The following SCN2A variants were observed in gnomAD, a reference collection of about 807,000 sequenced individuals.
The protein encoded by SCN2A is sodium voltage-gated channel alpha subunit 2, also known as sodium channel protein type 2 subunit alpha.
SCN2A carries 20 observed loss-of-function variants against 188.7 expected under a neutral mutation model. That is an observed-to-expected ratio of 0.11 (90% confidence interval 0.07 to 0.15). The LOEUF is 0.15. SCN2A is among the 10% of genes least tolerant of loss of function. The pLI, the probability that SCN2A is intolerant of heterozygous loss-of-function variation, is 1.00. For missense variants in SCN2A, 1,278 were observed against 2,445.0 expected (o/e 0.52, Z 10.07); for synonymous variants, 804 against 833.1 (o/e 0.97, Z 0.60).
chr2:165,265,515 A>ATATATATATATT (rs1188795670), intron 1 of SCN2A, among the ~76,000 whole-genome samples: 15 of 115,464 alleles, frequency 1.3e-4, no homozygotes, highest in East Asian at 5.7e-4. Context: ...ATATATATAT[A>ATATATATATATT]TTGCTGTGCA....
chr2:165,300,002 T>C (rs1696718091), intron 3 of SCN2A, among the ~76,000 whole-genome samples: 2 of 152,360 alleles, frequency 1.3e-5, no homozygotes, highest in Admixed American at 6.5e-5. Context: ...TTATTTTGGC[T>C]GAATGAGAAA....
rs372294906 is a variant in SCN2A, at chr2:165,389,537, A to G, written c.5731A>G (p.Ile1911Val). Residue 1911 changes from isoleucine to valine, a missense_variant, in exon 27 of 27, where the codon ATT (isoleucine) becomes GTT (valine). Transcript: ENST00000375437. This position sits in a 1 kb window ranked among gnomAD's most constrained non-coding sequence, Gnocchi z 4.2. ...KRKQEEVSAIIIQRAYRRYLL... is the reference protein window; with the variant it reads ...KRKQEEVSAIVIQRAYRRYLL... ...CAAACAAGAGGAGGTGTCTGCTATT[A>G]TTATCCAGAGGGCTTACAGACGCTA... 4.3e-6 allele frequency: 7 copies of G among 1,613,858 alleles called. No individual in the cohort carries two copies. Among genetic ancestry groups the G allele is most frequent in the Non-Finnish European group, 5.9e-6 (7 of 1,179,980 alleles).
At chr2:165,301,669 A>G (rs1696815996) in intron 3 of SCN2A, among the ~76,000 whole-genome samples, 1 of 152,204 alleles carries the variant, frequency 6.6e-6, no homozygotes, top group African/African-American at 2.4e-5. Context: ...GATATCTATG[A>G]CAGTAATAGC....
intron 23 of SCN2A, among the ~76,000 whole-genome samples, chr2:165,377,924 T>C (rs1473032122): frequency 6.6e-6 from 1 of 151,920 alleles, no homozygotes. Flanking sequence ...AAATGAGACA[T>C]TTTATTTTTG....
chr2:165,364,499 A>G (rs1364335971), intron 17 of SCN2A, among the ~76,000 whole-genome samples: 1 of 152,268 alleles, frequency 6.6e-6, no homozygotes, highest in East Asian at 1.9e-4. Context: ...GTGCCAGAGT[A>G]ACAAGTAGTT....
chr2:165,330,233 A>C (rs772441529), intron 13 of SCN2A, among the ~76,000 whole-genome samples: 24 of 152,190 alleles, frequency 1.6e-4, no homozygotes, highest in Non-Finnish European at 3.1e-4. Flanking sequence ...CCTCTATTTC[A>C]GTGCTAAGAG....
At chr2:165,305,972 A>C (rs1697104216) in intron 3 of SCN2A, among the ~76,000 whole-genome samples, 1 of 152,104 alleles carries the variant, frequency 6.6e-6, no homozygotes, top group African/African-American at 2.4e-5. Context: ...AAGGATAAGA[A>C]AAGAGAGAGA....
intron 22 of SCN2A, among the ~76,000 whole-genome samples, chr2:165,377,309 ATCAGAG>A (rs1558876852): frequency 1.3e-5 from 2 of 152,042 alleles, no homozygotes; most frequent in South Asian, 2.1e-4. Context: ...ATATAAACAC[ATCAGAG>A]TCAAAGATTG....
intron 26 of SCN2A, among the ~76,000 whole-genome samples, 191 bp from the exon 27 acceptor site, chr2:165,388,438 T>C (rs1701983125): frequency 6.6e-6 from 1 of 152,168 alleles, no homozygotes; most frequent in Non-Finnish European, 1.5e-5. Flanking sequence ...CTTCATTTAA[T>C]ATAAAGATGT....
At chr2:165,307,623 G>T (rs1346922855) in intron 3 of SCN2A, among the ~76,000 whole-genome samples, 3 of 151,984 alleles carry the variant, frequency 2.0e-5, no homozygotes, top group Non-Finnish European at 4.4e-5. Flanking sequence ...AATTGCTAAA[G>T]GTACCTAAAT....
At chr2:165,357,474 T>A (rs1700238866) in intron 17 of SCN2A, among the ~76,000 whole-genome samples, 1 of 152,084 alleles carries the variant, frequency 6.6e-6, no homozygotes, top group South Asian at 2.1e-4. Flanking sequence ...GACTCAGAGG[T>A]TTTTTAGGTG....
intron 4 of SCN2A, 88 bp from the exon 5 acceptor site, chr2:165,308,578 T>A (rs1697261072): frequency 1.4e-6 from 2 of 1,452,146 alleles, no homozygotes; most frequent in Non-Finnish European, 1.9e-6. Flanking sequence ...AGTGTCTAAT[T>A]TTTGTTTGCT....
chr2:165,378,682 G>C (rs1701442284), intron 23 of SCN2A, among the ~76,000 whole-genome samples: 1 of 151,648 alleles, frequency 6.6e-6, no homozygotes, highest in African/African-American at 2.4e-5. Flanking sequence ...TTAATTCAAT[G>C]CTCTCTCCAC....
At chr2:165,276,275 A>G (rs1489812519) in intron 1 of SCN2A, among the ~76,000 whole-genome samples, 3 of 152,064 alleles carry the variant, frequency 2.0e-5, no homozygotes, top group Non-Finnish European at 4.4e-5. Flanking sequence ...TAGGAAAAAA[A>G]AAAGATTTGT....
Position 165,277,504 on chromosome 2 carries a change from CT to C in SCN2A, c.-51-18268del, listed in dbSNP as rs60649699. 2.6e-3 allele frequency among the ~76,000 whole-genome samples: 392 copies of C among 152,268 alleles called. 1 individual carries two copies. Among genetic ancestry groups the C allele is most frequent in the African/African-American group, 8.9e-3 (370 of 41,556 alleles). On this transcript the variant is annotated intron_variant, in intron 1 of 26. Transcript: ENST00000375437. ...CAATTATATAGTTGCCTTATTTGGT[CT>C]ATCTTGCTGAAAAGTTCCTACTTGT...
chr2:165,272,002 A>G (rs914972378), intron 1 of SCN2A: 8 of 152,212 alleles, frequency 5.3e-5, no homozygotes, highest in African/African-American at 1.9e-4. Flanking sequence ...TTTAACTAGT[A>G]TAAAAAAGTT....
chr2:165,389,006 G>A lies in SCN2A; in HGVS notation c.5200G>A (p.Asp1734Asn). The change falls in exon 27 of 27, where the codon GAC becomes AAC. Residue 1734 changes from aspartate to asparagine, a missense_variant. Physicochemically the swap from Asp to Asn is conservative, Grantham distance 23. Coordinates refer to ENST00000375437, the MANE Select transcript of SCN2A (RefSeq NM_001040142.2). The surrounding 1 kb of genome is among the most constrained non-coding windows in gnomAD (Gnocchi z 4.2). ...TAGTGGACCTCCAGACTGTGACCCT[G>A]ACAAAGATCACCCTGGAAGCTCAGT... ...LNSGPPDCDP[D>N]KDHPGSSVKG... 1 of 1,614,048 alleles carries A rather than the reference G, an allele frequency of 6.2e-7. No individual in the cohort carries two copies. The highest frequency in any genetic ancestry group is 8.5e-7 in the Non-Finnish European group (1 of 1,180,002).
At chr2:165,241,216 T>G (rs1032185682) in intron 1 of SCN2A, 2 of 152,112 alleles carry the variant, frequency 1.3e-5, no homozygotes, top group Non-Finnish European at 2.9e-5. Context: ...AGTATACTGT[T>G]GCTCAATGGC....
Position 165,262,369 on chromosome 2 carries a change from C to A in SCN2A, c.-52+22729C>A, listed in dbSNP as rs935690990. Among the ~76,000 whole-genome samples, 6 of 151,918 alleles carry A rather than the reference C, an allele frequency of 3.9e-5. No individual in the cohort carries two copies. The East Asian group carries it at 1.2e-3, about 29-fold the overall frequency. On this transcript the variant is annotated intron_variant, in intron 1 of 26. Transcript: ENST00000375437. ...ATGTGTAGTCTCTTATCTCTCACCC[C>A]CTCCCACCATTTCCCCTGAGTCCTC...
Sources: allele counts gnomAD v4.1 joint callset (sites outside exome capture counted in the v4.1 genomes callset), GRCh38; gene constraint gnomAD v4.1.1; non-coding constraint Gnocchi (gnomAD v3.1); transcripts MANE v1.5; gene names NCBI Gene and HGNC (gene_info 2026-07-23, HGNC 2026-07-21).